SLC35F1: variants seen among roughly 807,000 people sequenced by gnomAD.
SLC35F1 encodes solute carrier family 35 member F1.
A neutral mutation model predicts 48.7 loss-of-function variants in SLC35F1; 14 were observed. That is an observed-to-expected ratio of 0.29 (90% CI 0.19 to 0.45). SLC35F1 has a LOEUF of 0.45. SLC35F1 is among the 20% of genes least tolerant of loss of function. The pLI, the probability that SLC35F1 is intolerant of heterozygous loss-of-function variation, is 1.00. For missense variants in SLC35F1, 404 were observed against 500.0 expected, an observed-to-expected ratio of 0.81 and a Z score of 1.83; for synonymous variants, 190 against 202.2, an observed-to-expected ratio of 0.94 and a Z score of 0.51.
At chr6:118,112,087 T>TC (rs1280003231) in intron 1 of SLC35F1, among the ~76,000 whole-genome samples, 1,972 of 14,434 alleles carry the variant, frequency 0.14, 51 homozygotes, top group African/African-American at 0.18. Flanking sequence ...TATTTCTTTC[T>TC]TTTCTTTTCT....
intron 2 of SLC35F1, among the ~76,000 whole-genome samples, chr6:118,178,569 G>A (rs1774526798): frequency 6.6e-6 from 1 of 152,098 alleles, no homozygotes; most frequent in Non-Finnish European, 1.5e-5. Flanking sequence ...AGAATCATAT[G>A]TATTAGCCCA....
intron 1 of SLC35F1, among the ~76,000 whole-genome samples, chr6:117,944,884 C>T (rs545415119): frequency 6.6e-6 from 1 of 152,172 alleles, no homozygotes; most frequent in South Asian, 2.1e-4. Context: ...TTACTGTGTT[C>T]CCAAATGGTC....
intron 1 of SLC35F1, among the ~76,000 whole-genome samples, chr6:118,022,730 G>C (rs1777410261): frequency 6.6e-6 from 1 of 151,394 alleles, no homozygotes; most frequent in African/African-American, 2.4e-5. Context: ...AGTGACTCAA[G>C]GCTACAAGCT....
At chr6:118,101,763 G>T (rs550610257) in intron 1 of SLC35F1, among the ~76,000 whole-genome samples, 1 of 152,170 alleles carries the variant, frequency 6.6e-6, no homozygotes, top group East Asian at 1.9e-4. Flanking sequence ...TGCTATGCAT[G>T]GATGGAGCTT....
At chr6:118,250,736 G>A (rs1775563504) in intron 3 of SLC35F1, among the ~76,000 whole-genome samples, 1 of 152,180 alleles carries the variant, frequency 6.6e-6, no homozygotes, top group African/African-American at 2.4e-5. Context: ...CACTTTGGGA[G>A]TCCAAGGCGG....
At chr6:118,052,405 T>G (rs543632308) in intron 1 of SLC35F1, among the ~76,000 whole-genome samples, 9 of 152,190 alleles carry the variant, frequency 5.9e-5, no homozygotes, top group Non-Finnish European at 8.8e-5. Context: ...TGCCTCATTT[T>G]CTGATGTATA....
intron 1 of SLC35F1, among the ~76,000 whole-genome samples, chr6:118,082,127 A>T (rs1408855954): frequency 1.3e-5 from 2 of 152,254 alleles, no homozygotes; most frequent in East Asian, 1.9e-4. Context: ...AAAAATACAG[A>T]TTGGAGCCTC....
chr6:118,210,114 G>T (rs1250955017), intron 2 of SLC35F1, among the ~76,000 whole-genome samples: 2 of 152,168 alleles, frequency 1.3e-5, no homozygotes, highest in Non-Finnish European at 2.9e-5. Flanking sequence ...GCAAATATGT[G>T]CCCCTTCAGA....
At chr6:118,241,888 T>G (rs1775445850) in intron 3 of SLC35F1, among the ~76,000 whole-genome samples, 1 of 152,236 alleles carries the variant, frequency 6.6e-6, no homozygotes, top group Admixed American at 6.5e-5. Context: ...TCTAAATTGT[T>G]TCATGTATCA....
chr6:118,134,924 G>T (rs1422650198), intron 1 of SLC35F1, among the ~76,000 whole-genome samples: 2 of 152,162 alleles, frequency 1.3e-5, no homozygotes, highest in Non-Finnish European at 2.9e-5. Flanking sequence ...ATTAAAGTTT[G>T]AATGTTTACT....
chr6:118,285,988 A>G (rs1322073278), intron 7 of SLC35F1, among the ~76,000 whole-genome samples: 1 of 152,148 alleles, frequency 6.6e-6, no homozygotes, highest in Non-Finnish European at 1.5e-5. Flanking sequence ...GGCATGACTA[A>G]TTGATTATGG....
At chr6:118,052,664 G>A (rs1290907590) in intron 1 of SLC35F1, among the ~76,000 whole-genome samples, 1 of 152,070 alleles carries the variant, frequency 6.6e-6, no homozygotes, top group African/African-American at 2.4e-5. Context: ...CATCAATTAA[G>A]TATACCAATT....
At chr6:118,236,818 T>C (rs2114585106) in intron 3 of SLC35F1, among the ~76,000 whole-genome samples, 1 of 152,322 alleles carries the variant, frequency 6.6e-6, no homozygotes, top group Middle Eastern at 3.4e-3. Context: ...AGACTGATGT[T>C]GGAAGAGATA....
At chr6:118,030,022 A>G (rs993372279) in intron 1 of SLC35F1, among the ~76,000 whole-genome samples, 9 of 152,200 alleles carry the variant, frequency 5.9e-5, no homozygotes, top group African/African-American at 2.2e-4. Flanking sequence ...GGATAAAAGT[A>G]AAGTAGGGAA....
chr6:118,204,742 T>A (rs187512757), intron 2 of SLC35F1, among the ~76,000 whole-genome samples: 1 of 152,248 alleles, frequency 6.6e-6, no homozygotes, highest in East Asian at 1.9e-4. Context: ...GTAACCAGTA[T>A]CCAAATCAAG....
At chr6:118,212,727 A>AAAGGAAGGAAGGAAGGAAGGAAGGAAGG (rs755835187) in intron 2 of SLC35F1, among the ~76,000 whole-genome samples, 2 of 93,646 alleles carry the variant, frequency 2.1e-5, no homozygotes, top group African/African-American at 4.2e-5. Flanking sequence ...GGAAGGAAGG[A>AAAGGAAGGAAGGAAGGAAGGAAGGAAGG]AAGGAAGGAA....
At chr6:118,059,587 C>A (rs1295159763) in intron 1 of SLC35F1, among the ~76,000 whole-genome samples, 2 of 152,150 alleles carry the variant, frequency 1.3e-5, no homozygotes, top group Admixed American at 1.3e-4. Flanking sequence ...ACATGTCCAT[C>A]GCAAGTCGGC....
chr6:117,982,828 A>C (rs1311608440), intron 1 of SLC35F1, among the ~76,000 whole-genome samples: 2 of 152,190 alleles, frequency 1.3e-5, no homozygotes, highest in Admixed American at 1.3e-4. Context: ...TGAAACAAAA[A>C]AACGTAGTTT....
intron 1 of SLC35F1, among the ~76,000 whole-genome samples, chr6:118,040,228 T>G (rs1286131926): frequency 1.3e-5 from 2 of 152,194 alleles, no homozygotes; most frequent in Non-Finnish European, 2.9e-5. Flanking sequence ...AATCAGAGTT[T>G]TAGCTACCTA....
Sources: allele counts gnomAD v4.1 joint callset (sites outside exome capture counted in the v4.1 genomes callset), GRCh38; gene constraint gnomAD v4.1.1; transcripts MANE v1.5; gene names NCBI Gene and HGNC (gene_info 2026-07-23, HGNC 2026-07-21).